Variants in DOK6 observed in about 807,000 individuals in gnomAD.
DOK6 encodes docking protein 6.
In DOK6, 22 loss-of-function variants were observed where a neutral mutation model predicts 44.0. That is an observed-to-expected ratio of 0.50 (90% confidence interval 0.36 to 0.71). The LOEUF (loss-of-function observed/expected upper bound fraction) is 0.71, where lower values mean the gene tolerates loss of function less well. Ranked by LOEUF, DOK6 falls within the 30% of genes least tolerant of loss-of-function variation. The probability of loss-of-function intolerance (pLI) is 0.00; values close to 1 mark genes in which losing one functional copy is unlikely to be tolerated. For synonymous variants in DOK6, 166 were observed against 145.5 expected (o/e 1.14, Z -1.01); for missense variants, 340 against 416.4 (o/e 0.82, Z 1.60).
intron 1 of DOK6, among the ~76,000 whole-genome samples, chr18:69,514,638 T>C (rs1981464964): frequency 6.6e-6 from 1 of 152,094 alleles, no homozygotes. Context: ...AACAAAATCA[T>C]GATTAATGTC....
chr18:69,669,007 T>C, intron 3 of DOK6, among the ~76,000 whole-genome samples: 1 of 152,196 alleles, frequency 6.6e-6, no homozygotes, highest in South Asian at 2.1e-4. Flanking sequence ...AGTTCCCTGA[T>C]ACTGTGGCAA....
chr18:69,744,384 T>C (rs975312662), intron 6 of DOK6, among the ~76,000 whole-genome samples: 1 of 152,162 alleles, frequency 6.6e-6, no homozygotes, highest in South Asian at 2.1e-4. Flanking sequence ...CACTCAATAT[T>C]ACCAATGTTA....
chr18:69,530,510 G>T (rs1981955799), intron 1 of DOK6, among the ~76,000 whole-genome samples: 1 of 152,054 alleles, frequency 6.6e-6, no homozygotes. Flanking sequence ...CAAGAAAGAT[G>T]AGAAGTACCA....
intron 1 of DOK6, among the ~76,000 whole-genome samples, chr18:69,546,453 AC>A (rs1207091735): frequency 6.6e-6 from 1 of 151,524 alleles, no homozygotes; most frequent in Non-Finnish European, 1.5e-5. Context: ...AGATTCCATA[AC>A]CAGGAATGGC....
chr18:69,666,880 C>A (rs1985672937), intron 3 of DOK6, among the ~76,000 whole-genome samples: 1 of 152,198 alleles, frequency 6.6e-6, no homozygotes, highest in South Asian at 2.1e-4. Flanking sequence ...CTCAAGGGAG[C>A]TTTCCTCTGC....
intron 3 of DOK6, among the ~76,000 whole-genome samples, chr18:69,668,429 G>GT (rs1985713409): frequency 6.6e-6 from 1 of 151,694 alleles, no homozygotes; most frequent in Non-Finnish European, 1.5e-5. Context: ...TTTTCCTATA[G>GT]TTTTTGTTCA....
rs943978487 is a variant in DOK6, at chr18:69,556,843, C to T, written c.67-7644C>T. ...ATAGCTAAAGCTAAACTCATCAGTG[C>T]GTTAAAGTGAATCCTGTGCACTGAC... On this transcript the variant is annotated intron_variant, in intron 1 of 7. Coordinates refer to ENST00000382713, the MANE Select transcript of DOK6 (RefSeq NM_152721.6). Among the ~76,000 whole-genome samples, 4 of 152,274 alleles carry T rather than the reference C, an allele frequency of 2.6e-5. No individual in the cohort carries two copies. The East Asian group carries it at 5.8e-4, about 22-fold the overall frequency.
intron 1 of DOK6, among the ~76,000 whole-genome samples, chr18:69,563,606 A>T (rs1982894435): frequency 7.1e-6 from 1 of 141,292 alleles, no homozygotes; most frequent in South Asian, 2.5e-4. Context: ...AACAATGAGA[A>T]CACATGGACA....
At chr18:69,818,014 C>T (rs1279087319) in intron 7 of DOK6, among the ~76,000 whole-genome samples, 1 of 152,170 alleles carries the variant, frequency 6.6e-6, no homozygotes, top group Admixed American at 6.5e-5. Context: ...AGGAAGATTC[C>T]TTGGGACTCC....
chr18:69,403,357 G>T (rs941095274), intron 1 of DOK6, among the ~76,000 whole-genome samples: 1 of 152,078 alleles, frequency 6.6e-6, no homozygotes, highest in African/African-American at 2.4e-5. Context: ...TTGCTTCTTG[G>T]GTAACTATGG....
intron 1 of DOK6, among the ~76,000 whole-genome samples, chr18:69,531,728 C>T (rs1035560418): frequency 2.6e-5 from 4 of 152,124 alleles, no homozygotes; most frequent in African/African-American, 9.7e-5. Flanking sequence ...CCTCTTTTTA[C>T]TGAGGCCATA....
intron 1 of DOK6, among the ~76,000 whole-genome samples, chr18:69,416,606 A>T (rs1438885828): frequency 6.6e-6 from 1 of 152,128 alleles, no homozygotes. Flanking sequence ...AGTATGGCCC[A>T]TTTAGAAATT....
At chr18:69,777,972 A>G (rs1249971014) in intron 7 of DOK6, 4 of 152,146 alleles carry the variant, frequency 2.6e-5, no homozygotes, top group African/African-American at 9.6e-5. Context: ...GAAGGATATA[A>G]AGCAGACTAA....
intron 1 of DOK6, among the ~76,000 whole-genome samples, chr18:69,429,632 T>C (rs1978745051): frequency 7.7e-5 from 2 of 26,088 alleles, no homozygotes; most frequent in South Asian, 1.3e-3. Flanking sequence ...TATATATATA[T>C]ATATATATAT....
chr18:69,498,279 G>C (rs778122226), intron 1 of DOK6, among the ~76,000 whole-genome samples: 1 of 151,938 alleles, frequency 6.6e-6, no homozygotes, highest in Non-Finnish European at 1.5e-5. Context: ...TAACAAGTTT[G>C]TAAATTTTTA....
chr18:69,593,898 C>A (rs1983679192), intron 2 of DOK6, among the ~76,000 whole-genome samples: 1 of 151,992 alleles, frequency 6.6e-6, no homozygotes, highest in African/African-American at 2.4e-5. Flanking sequence ...TATGTAAATT[C>A]TTAAGCCACA....
chr18:69,668,325 C>T (rs990091975), intron 3 of DOK6, among the ~76,000 whole-genome samples: 3 of 151,936 alleles, frequency 2.0e-5, no homozygotes, highest in Non-Finnish European at 2.9e-5. Flanking sequence ...CCTCTTAATA[C>T]GTGTTCATTT....
At chr18:69,421,627 C>T (rs1978494961) in intron 1 of DOK6, among the ~76,000 whole-genome samples, 1 of 152,186 alleles carries the variant, frequency 6.6e-6, no homozygotes, top group South Asian at 2.1e-4. Context: ...AGTATCTTTA[C>T]ATTTAATTTC....
intron 2 of DOK6, among the ~76,000 whole-genome samples, chr18:69,588,758 G>A (rs57661860): frequency 0.031 from 4,642 of 152,070 alleles, 224 homozygotes; most frequent in African/African-American, 0.11. Flanking sequence ...AGCCAATGGA[G>A]AGAGTATTAT....
Sources: gnomAD v4.1 joint callset for allele counts (sites outside exome capture counted in the v4.1 genomes callset) on GRCh38, gnomAD v4.1.1 for gene constraint, MANE v1.5 for transcripts, NCBI Gene and HGNC (gene_info 2026-07-23, HGNC 2026-07-21) for gene names.